The following SYNPR variants were observed in gnomAD, a reference collection of about 807,000 sequenced individuals.
SYNPR encodes synaptoporin.
SYNPR carries 23 observed loss-of-function variants against 32.9 expected under a neutral mutation model. The observed-to-expected ratio is 0.70, with a 90% confidence interval of 0.50 to 0.99. The LOEUF is 0.99. SYNPR is among the 50% of genes least tolerant of loss of function. The pLI, the probability that SYNPR is intolerant of heterozygous loss-of-function variation, is 0.00. For missense variants in SYNPR, 318 were observed against 349.3 expected (o/e 0.91, Z 0.71); for synonymous variants, 146 against 135.9 (o/e 1.07, Z -0.52).
intron 2 of SYNPR, among the ~76,000 whole-genome samples, chr3:63,389,710 G>A (rs972738959): frequency 3.9e-5 from 6 of 152,154 alleles, no homozygotes; most frequent in Non-Finnish European, 8.8e-5. Context: ...ACCATAAAAT[G>A]GATAAACGAA....
chr3:63,455,908 C>T (rs1282297968), intron 2 of SYNPR, among the ~76,000 whole-genome samples: 1 of 151,972 alleles, frequency 6.6e-6, no homozygotes, highest in Non-Finnish European at 1.5e-5. Flanking sequence ...TCAATTTTCA[C>T]ACTGCTGATA....
chr3:63,356,480 T>C (rs917148145), intron 2 of SYNPR, among the ~76,000 whole-genome samples: 3 of 152,250 alleles, frequency 2.0e-5, no homozygotes, highest in Non-Finnish European at 2.9e-5. Context: ...GATTCTGTTG[T>C]CATTACCTCT....
At chr3:63,598,897 G>A (rs1156741046) in intron 4 of SYNPR, among the ~76,000 whole-genome samples, 4 of 152,148 alleles carry the variant, frequency 2.6e-5, no homozygotes, top group Admixed American at 2.6e-4. Context: ...GACTGACAGG[G>A]ATCATATTTG....
chr3:63,600,449 T>A (rs1451150541), intron 4 of SYNPR, among the ~76,000 whole-genome samples: 1 of 152,168 alleles, frequency 6.6e-6, no homozygotes, highest in African/African-American at 2.4e-5. Flanking sequence ...GTCAGGTTAT[T>A]TGTTCCCACA....
intron 2 of SYNPR, among the ~76,000 whole-genome samples, chr3:63,254,963 G>A (rs1206525213): frequency 3.3e-5 from 5 of 152,066 alleles, no homozygotes; most frequent in African/African-American, 1.2e-4. Flanking sequence ...AAGGAGAGAG[G>A]CCTCAAAAGA....
chr3:63,348,610 A>G (rs2107013992), intron 2 of SYNPR, among the ~76,000 whole-genome samples: 1 of 152,294 alleles, frequency 6.6e-6, no homozygotes, highest in East Asian at 1.9e-4. Flanking sequence ...GCCTAGACCA[A>G]TGGCCAGAAG....
chr3:63,524,206 T>A (rs1701963350), intron 3 of SYNPR, among the ~76,000 whole-genome samples: 1 of 151,816 alleles, frequency 6.6e-6, no homozygotes, highest in Non-Finnish European at 1.5e-5. Context: ...ATAATAATAA[T>A]CAAAAACCAT....
intron 3 of SYNPR, among the ~76,000 whole-genome samples, chr3:63,488,281 ACT>A (rs1701194307): frequency 6.6e-6 from 1 of 152,062 alleles, no homozygotes; most frequent in African/African-American, 2.4e-5. Context: ...AAAGGGTTTC[ACT>A]CTTTTTGCCT....
chr3:63,392,514 C>G (rs1469742833), intron 2 of SYNPR, among the ~76,000 whole-genome samples: 1 of 152,148 alleles, frequency 6.6e-6, no homozygotes, highest in Non-Finnish European at 1.5e-5. Context: ...AGAGCTGCAT[C>G]CTCATAAGGC....
chr3:63,554,475 T>C (rs1702560462), intron 3 of SYNPR, among the ~76,000 whole-genome samples: 2 of 152,188 alleles, frequency 1.3e-5, no homozygotes, highest in African/African-American at 4.8e-5. Context: ...GAGTTCTTTT[T>C]CTATTGCTTG....
intron 4 of SYNPR, among the ~76,000 whole-genome samples, chr3:63,561,686 C>T (rs1032680253): frequency 6.6e-6 from 1 of 152,122 alleles, no homozygotes; most frequent in Admixed American, 6.6e-5. Flanking sequence ...CTAGAGGGTT[C>T]TGCTTCTAAG....
intron 2 of SYNPR, among the ~76,000 whole-genome samples, chr3:63,253,915 C>A (rs2086359398): frequency 1.3e-5 from 2 of 152,136 alleles, no homozygotes. Context: ...TTGGAACCAA[C>A]CCAAATGTCC....
chr3:63,236,625 G>T (rs1488413012), intron 1 of SYNPR, among the ~76,000 whole-genome samples: 1 of 152,014 alleles, frequency 6.6e-6, no homozygotes, highest in Non-Finnish European at 1.5e-5. Context: ...CATTGTATTT[G>T]ATTTTAGAGG....
At chr3:63,271,930 C>T (rs962964842) in intron 3 of SYNPR, among the ~76,000 whole-genome samples, 2 of 151,844 alleles carry the variant, frequency 1.3e-5, no homozygotes, top group Non-Finnish European at 2.9e-5. Context: ...AGGAAAATTC[C>T]CAGATCAACT....
At chr3:63,318,790 T>C (rs1051285874) in intron 2 of SYNPR, among the ~76,000 whole-genome samples, 1 of 152,048 alleles carries the variant, frequency 6.6e-6, no homozygotes, top group African/African-American at 2.4e-5. Flanking sequence ...TTTGGATCCA[T>C]TGCTGGTGAA....
chr3:63,498,776 C>T (rs1575676928), intron 3 of SYNPR, among the ~76,000 whole-genome samples: 3 of 151,614 alleles, frequency 2.0e-5, no homozygotes, highest in South Asian at 4.2e-4. Flanking sequence ...CCCGATAAGG[C>T]GTGTGAATTT....
Position 63,394,389 on chromosome 3 carries a change from C to T in SYNPR, c.85-86443C>T, listed in dbSNP as rs573293952. On this transcript the variant is annotated intron_variant, in intron 2 of 5. Coordinates refer to ENST00000478300, the MANE Select transcript of SYNPR (RefSeq NM_001130003.2). ...AAATTAAATCTGATTTTGGCTCTTC[C>T]AAGGGATTATTACTAGAAAAATCAG... is the stretch of plus-strand genomic sequence containing the variant. Among the ~76,000 whole-genome samples, 6 of 152,242 alleles carry T rather than the reference C, an allele frequency of 3.9e-5. No homozygotes were observed. The East Asian group carries it at 1.2e-3, about 29-fold the overall frequency.
At chr3:63,440,205 A>G (rs1052288528) in intron 2 of SYNPR, among the ~76,000 whole-genome samples, 1 of 152,224 alleles carries the variant, frequency 6.6e-6, no homozygotes, top group African/African-American at 2.4e-5. Flanking sequence ...GAGGGCAGGA[A>G]AAGATCTGAG....
intron 1 of SYNPR, among the ~76,000 whole-genome samples, chr3:63,234,632 T>C (rs2086188574): frequency 6.6e-6 from 1 of 152,186 alleles, no homozygotes; most frequent in African/African-American, 2.4e-5. Flanking sequence ...TGCCCCTGTG[T>C]GGAAATGAAA....
Sources: gnomAD v4.1 joint callset for allele counts (sites outside exome capture counted in the v4.1 genomes callset) on GRCh38, gnomAD v4.1.1 for gene constraint, MANE v1.5 for transcripts, NCBI Gene and HGNC (gene_info 2026-07-23, HGNC 2026-07-21) for gene names.